Variants in AK8 observed in about 807,000 individuals in gnomAD.
AK8 encodes ATP-AMP transphosphorylase 8.
Under a neutral mutation model 54.6 loss-of-function variants are expected in AK8, and 44 were observed. That is an observed-to-expected ratio of 0.81 (90% CI 0.63 to 1.04). AK8 has a LOEUF of 1.04. Ranked by LOEUF, AK8 falls within the 50% of genes least tolerant of loss-of-function variation. The pLI is 0.00. For missense variants in AK8, 555 were observed against 613.6 expected, an observed-to-expected ratio of 0.90 and a Z score of 1.01; for synonymous variants, 239 against 245.6, an observed-to-expected ratio of 0.97 and a Z score of 0.25.
At chr9:132,842,444 G>A (rs960890291) in intron 5 of AK8, among the ~76,000 whole-genome samples, 2 of 152,078 alleles carry the variant, frequency 1.3e-5, no homozygotes, top group Non-Finnish European at 2.9e-5. Context: ...GTGCAGAGTT[G>A]GAGAGCAGAA....
At chr9:132,829,920 T>G (rs550095776) in intron 5 of AK8, among the ~76,000 whole-genome samples, 1 of 152,150 alleles carries the variant, frequency 6.6e-6, no homozygotes, top group African/African-American at 2.4e-5. Context: ...GTGGAAAATA[T>G]TGAAAAGCTG....
At chr9:132,875,268 C>T in intron 1 of AK8, 69 bp from the exon 2 acceptor site, 1 of 1,583,598 alleles carries the variant, frequency 6.3e-7, no homozygotes, top group Non-Finnish European at 8.6e-7. Context: ...CAGATACCAG[C>T]TATGGGGCCT....
intron 5 of AK8, among the ~76,000 whole-genome samples, chr9:132,847,341 TG>T (rs1423438690): frequency 1.3e-5 from 2 of 152,238 alleles, no homozygotes; most frequent in East Asian, 3.8e-4. Flanking sequence ...GCCTTTCGTT[TG>T]GCAGGGGCAG....
At chr9:132,838,318 C>T (rs530815391) in intron 5 of AK8, among the ~76,000 whole-genome samples, 5 of 152,204 alleles carry the variant, frequency 3.3e-5, no homozygotes, top group East Asian at 1.9e-4. Context: ...AAGTGTGCTA[C>T]GTCCGCTCCC....
At chr9:132,742,542 G>A (rs1430836656) in intron 11 of AK8, among the ~76,000 whole-genome samples, 1 of 152,184 alleles carries the variant, frequency 6.6e-6, no homozygotes, top group Non-Finnish European at 1.5e-5. Flanking sequence ...CAAAAACTAA[G>A]CATGACAGGG....
Position 132,790,322 on chromosome 9 carries a change from C to G in AK8, c.1121+2312G>C, listed in dbSNP as rs1441917178. Among the ~76,000 whole-genome samples the G allele has an allele frequency of 6.6e-6, 1 of 151,974 alleles. No individual in the cohort carries two copies. The highest frequency in any genetic ancestry group is 2.4e-5 in the African/African-American group (1 of 41,360). ...CTGGAGCGCAGTGGCGTGATCTCAG[C>G]TCACTGCAAACTCCGCCTCCTGGGT... On this transcript the variant is annotated intron_variant, in intron 11 of 12. Coordinates refer to ENST00000298545, the MANE Select transcript of AK8 (RefSeq NM_152572.3). This position sits in a 1 kb window ranked among gnomAD's most constrained non-coding sequence, Gnocchi z 4.1.
rs141033248 is a variant in AK8, at chr9:132,855,814, C to T, written c.334-889G>A. ...CATCTACACTCCACTTACAGTAACA[C>T]GGGCCCCCAAAGAGGAATCCCAAAG... On this transcript the variant is annotated intron_variant, in intron 4 of 12. Coordinates refer to ENST00000298545, the MANE Select transcript of AK8 (RefSeq NM_152572.3). Among the ~76,000 whole-genome samples the T allele has an allele frequency of 2.6e-5, 4 of 152,262 alleles. No individual in the cohort carries two copies. The East Asian group carries it at 5.8e-4, about 22-fold the overall frequency.
chr9:132,838,793 TG>T (rs1038708205), intron 5 of AK8, among the ~76,000 whole-genome samples: 1 of 152,114 alleles, frequency 6.6e-6, no homozygotes, highest in Non-Finnish European at 1.5e-5. Context: ...CATTTGCTGG[TG>T]CACAGCAGGT....
chr9:132,789,580 G>A (rs1318806512), intron 11 of AK8, among the ~76,000 whole-genome samples: 2 of 106,130 alleles, frequency 1.9e-5, no homozygotes, highest in African/African-American at 7.3e-5. Context: ...CTGGGCGACA[G>A]AGTGATACTC....
At chr9:132,864,711 C>G (rs1249346887) in intron 3 of AK8, among the ~76,000 whole-genome samples, 6 of 152,228 alleles carry the variant, frequency 3.9e-5, no homozygotes, top group Admixed American at 3.9e-4. Flanking sequence ...CAGGGCCTGA[C>G]CTCGACAGAG....
At chr9:132,834,422 T>C (rs918140478) in intron 5 of AK8, among the ~76,000 whole-genome samples, 2 of 152,168 alleles carry the variant, frequency 1.3e-5, no homozygotes, top group African/African-American at 4.8e-5. Context: ...CATATTCAAC[T>C]CACCTGAAAG....
intron 11 of AK8, among the ~76,000 whole-genome samples, chr9:132,749,711 T>TG: frequency 6.6e-6 from 1 of 151,900 alleles, no homozygotes; most frequent in East Asian, 1.9e-4. Flanking sequence ...TGTTTTTTTT[T>TG]TTTCTTGAGA....
At chr9:132,798,042 G>A (rs1302743967) in intron 10 of AK8, among the ~76,000 whole-genome samples, 2 of 152,192 alleles carry the variant, frequency 1.3e-5, no homozygotes, top group East Asian at 3.9e-4. Flanking sequence ...CGTGGCTAAG[G>A]AACTGCACTG....
intron 11 of AK8, among the ~76,000 whole-genome samples, chr9:132,752,122 G>A (rs1251987426): frequency 3.6e-5 from 5 of 138,604 alleles, no homozygotes; most frequent in African/African-American, 1.4e-4. Flanking sequence ...GATTATAGGT[G>A]CGAGCCACCG....
chr9:132,765,829 T>C (rs1016965414), intron 11 of AK8, among the ~76,000 whole-genome samples: 2 of 152,200 alleles, frequency 1.3e-5, no homozygotes, highest in Admixed American at 6.5e-5. Flanking sequence ...TTACTGTAAG[T>C]CCTTGCCAGA....
intron 9 of AK8, among the ~76,000 whole-genome samples, chr9:132,816,533 A>G (rs1841336926): frequency 6.6e-6 from 1 of 152,220 alleles, no homozygotes; most frequent in African/African-American, 2.4e-5. Flanking sequence ...TTTAGGTCAC[A>G]GAGCCATTAA....
intron 1 of AK8, among the ~76,000 whole-genome samples, chr9:132,875,874 C>T (rs1844074931): frequency 6.6e-6 from 1 of 152,242 alleles, no homozygotes; most frequent in African/African-American, 2.4e-5. Context: ...CTAACTGTGT[C>T]TCTCCAGAAT....
Position 132,775,701 on chromosome 9 carries a change from T to C in AK8, c.1121+16933A>G, listed in dbSNP as rs568822376. On this transcript the variant is annotated intron_variant, in intron 11 of 12. Coordinates refer to ENST00000298545, the MANE Select transcript of AK8 (RefSeq NM_152572.3). ...CATGACCCCATCTCTTCCTCAAGAT[T>C]AAGCTCCCTGATAGAACAGGCCATC... Among the ~76,000 whole-genome samples the C allele has an allele frequency of 2.6e-5, 4 of 152,298 alleles. No individual in the cohort carries two copies. The East Asian group carries it at 7.7e-4, about 29-fold the overall frequency.
intron 11 of AK8, among the ~76,000 whole-genome samples, chr9:132,758,487 T>C (rs1838296983): frequency 6.6e-6 from 1 of 152,314 alleles, no homozygotes; most frequent in East Asian, 1.9e-4. Context: ...TCTGGCTCTG[T>C]CACCCAGGCT....
Sources: gnomAD v4.1 joint callset for allele counts (sites outside exome capture counted in the v4.1 genomes callset) on GRCh38, gnomAD v4.1.1 for gene constraint, Gnocchi (gnomAD v3.1) non-coding constraint, MANE v1.5 for transcripts, NCBI Gene and HGNC (gene_info 2026-07-23, HGNC 2026-07-21) for gene names.